LPP: variants seen among roughly 807,000 people sequenced by gnomAD.
LPP encodes the protein LIM domain containing preferred translocation partner in lipoma, also known as lipoma-preferred partner.
In LPP, 38 loss-of-function variants were observed where a neutral mutation model predicts 60.4. The observed-to-expected ratio is 0.63, with a 90% confidence interval of 0.49 to 0.83. The LOEUF is 0.83. Ranked by LOEUF, LPP falls within the 40% of genes least tolerant of loss-of-function variation. The pLI is 0.00. For synonymous variants in LPP, 328 were observed against 290.8 expected (o/e 1.13, Z -1.30); for missense variants, 902 against 783.6 (o/e 1.15, Z -1.80).
rs780495388 is a variant in LPP at position 188,708,376 on chromosome 3, C to T, written c.1223C>T (p.Pro408Leu). 4 of 1,614,176 alleles carry T rather than the reference C, an allele frequency of 2.5e-6. No individual in the cohort carries two copies. In the South Asian group the frequency reaches 4.4e-5, roughly 18 times the overall value. Residue 408 changes from proline (P) to leucine (L), a missense_variant, in exon 8 of 12, where the codon CCT (proline) becomes CTT (leucine). Transcript: ENST00000617246. Reference protein sequence around the residue: ...KKMLYDMENPPADEYFGRCAR... With the variant: ...KKMLYDMENPLADEYFGRCAR... ...ATGCTGTATGACATGGAAAATCCACCTGCTGACGAATACTTTGGTGAGTGG... is the reference window on the plus strand; with the variant it reads ...ATGCTGTATGACATGGAAAATCCACTTGCTGACGAATACTTTGGTGAGTGG...
intron 8 of LPP, among the ~76,000 whole-genome samples, chr3:188,736,984 A>G (rs1722745589): frequency 6.6e-6 from 1 of 152,092 alleles, no homozygotes; most frequent in African/African-American, 2.4e-5. Context: ...CAAATACATT[A>G]AATTTGTATA....
intron 6 of LPP, among the ~76,000 whole-genome samples, chr3:188,527,217 G>A (rs1187526052): frequency 6.6e-6 from 1 of 151,978 alleles, no homozygotes; most frequent in African/African-American, 2.4e-5. Flanking sequence ...GTGCGTGGTG[G>A]CGCCCGCCTG....
chr3:188,263,141 A>G (rs1238268095), intron 2 of LPP, among the ~76,000 whole-genome samples: 1 of 152,206 alleles, frequency 6.6e-6, no homozygotes, highest in Non-Finnish European at 1.5e-5. Flanking sequence ...CGGAAATCAG[A>G]TGGGAACAAA....
chr3:188,734,334 A>C (rs1330011028), intron 8 of LPP, among the ~76,000 whole-genome samples: 1 of 152,190 alleles, frequency 6.6e-6, no homozygotes, highest in East Asian at 1.9e-4. Flanking sequence ...AATTTGAAAG[A>C]ATTTAAGTCT....
chr3:188,725,314 C>T (rs890648610), intron 8 of LPP: 2 of 152,220 alleles, frequency 1.3e-5, no homozygotes, highest in Admixed American at 1.3e-4. Context: ...CAAATACAAT[C>T]CAAGTGCGTG....
At chr3:188,716,515 G>A (rs916774081) in intron 8 of LPP, among the ~76,000 whole-genome samples, 19 of 152,194 alleles carry the variant, frequency 1.2e-4, no homozygotes, top group Admixed American at 7.9e-4. Context: ...AAGATGCTTA[G>A]GAAATTAGAA....
chr3:188,432,161 A>C (rs1035572670), intron 4 of LPP, among the ~76,000 whole-genome samples: 17 of 152,166 alleles, frequency 1.1e-4, no homozygotes, highest in African/African-American at 3.9e-4. Context: ...GCTCAGAGAG[A>C]TAGTAAGTTG....
chr3:188,851,042 A>G (rs1762565157), intron 9 of LPP, among the ~76,000 whole-genome samples: 1 of 152,224 alleles, frequency 6.6e-6, no homozygotes, highest in Non-Finnish European at 1.5e-5. Context: ...ATTTATGTCA[A>G]AATAAGAAAG....
chr3:188,614,904 G>A (rs147475740), intron 7 of LPP, among the ~76,000 whole-genome samples: 343 of 152,224 alleles, frequency 2.3e-3, no homozygotes, highest in African/African-American at 7.8e-3. Context: ...CAGGCCTGGT[G>A]CCTTAGAGCT....
intron 4 of LPP, among the ~76,000 whole-genome samples, chr3:188,447,696 A>G (rs1480724014): frequency 6.6e-6 from 1 of 151,516 alleles, no homozygotes; most frequent in Non-Finnish European, 1.5e-5. Flanking sequence ...AATCACTTAA[A>G]ACCCGGGAAG....
intron 2 of LPP, among the ~76,000 whole-genome samples, chr3:188,276,767 C>T (rs1739969581): frequency 6.6e-6 from 1 of 151,554 alleles, no homozygotes; most frequent in Non-Finnish European, 1.5e-5. Flanking sequence ...AGTGCCTGCT[C>T]CCTTTTGACT....
At chr3:188,604,789 G>C (rs1035130337) in intron 6 of LPP, among the ~76,000 whole-genome samples, 2 of 152,150 alleles carry the variant, frequency 1.3e-5, no homozygotes, top group African/African-American at 4.8e-5. Context: ...GAATAAAAAG[G>C]ACAGTCTCTA....
intron 5 of LPP, among the ~76,000 whole-genome samples, chr3:188,514,950 T>C (rs1234085388): frequency 6.6e-6 from 1 of 152,142 alleles, no homozygotes; most frequent in Non-Finnish European, 1.5e-5. Context: ...CCATTTCCTT[T>C]AAAGGAGATT....
chr3:188,313,267 C>T (rs1355841952), intron 2 of LPP, among the ~76,000 whole-genome samples: 8 of 150,554 alleles, frequency 5.3e-5, no homozygotes, highest in Admixed American at 5.3e-4. Flanking sequence ...AAAGATTCCC[C>T]ATTCCTATTA....
At chr3:188,761,737 G>A (rs1392790078) in intron 9 of LPP, among the ~76,000 whole-genome samples, 1 of 152,108 alleles carries the variant, frequency 6.6e-6, no homozygotes, top group Non-Finnish European at 1.5e-5. Context: ...TGATCTGGAA[G>A]GAGCAATTAT....
chr3:188,510,902 T>G (rs9874310), intron 5 of LPP, among the ~76,000 whole-genome samples: 50,770 of 151,984 alleles, frequency 0.33, 9,060 homozygotes, highest in East Asian at 0.69. Flanking sequence ...CTCATTTTGC[T>G]TTTTTCTCGA....
chr3:188,624,436 A>G (rs895032100), intron 7 of LPP, among the ~76,000 whole-genome samples: 1 of 152,220 alleles, frequency 6.6e-6, no homozygotes, highest in Non-Finnish European at 1.5e-5. Flanking sequence ...TTAAATAAAC[A>G]TCCAAAAACT....
intron 1 of LPP, among the ~76,000 whole-genome samples, chr3:188,175,332 G>C (rs917616146): frequency 2.6e-5 from 4 of 151,988 alleles, no homozygotes; most frequent in Non-Finnish European, 5.9e-5. Flanking sequence ...CAAGTGAGCC[G>C]CCTGCTTGGC....
chr3:188,240,376 T>TGTGTGTGAGA (rs534393899), intron 2 of LPP, among the ~76,000 whole-genome samples: 109 of 143,318 alleles, frequency 7.6e-4, no homozygotes, highest in African/African-American at 2.1e-3. Context: ...TGTGTGTGTG[T>TGTGTGTGAGA]GAGAGAGAGA....
Sources: allele counts gnomAD v4.1 joint callset (sites outside exome capture counted in the v4.1 genomes callset), GRCh38; gene constraint gnomAD v4.1.1; transcripts MANE v1.5; gene names NCBI Gene and HGNC (gene_info 2026-07-23, HGNC 2026-07-21).